The following PNLIPRP3 variants were observed in gnomAD, a reference collection of about 807,000 sequenced individuals.
PNLIPRP3 encodes pancreatic lipase-related protein 3.
PNLIPRP3 carries 58 observed loss-of-function variants against 52.8 expected under a neutral mutation model. The ratio of observed to expected loss-of-function variants is 1.10; its 90% CI spans 0.89 to 1.37. PNLIPRP3 has a LOEUF of 1.37. PNLIPRP3 is among the 40% of genes most tolerant of loss of function. The probability of loss-of-function intolerance (pLI) is 0.00; values close to 1 mark genes in which losing one functional copy is unlikely to be tolerated. For missense variants in PNLIPRP3, 593 were observed against 561.6 expected (o/e 1.06, Z -0.57); for synonymous variants, 192 against 185.0 (o/e 1.04, Z -0.31).
chr10:116,454,465 A>C (rs1169417772), intron 4 of PNLIPRP3, among the ~76,000 whole-genome samples: 1 of 152,194 alleles, frequency 6.6e-6, no homozygotes, highest in Non-Finnish European at 1.5e-5. Context: ...TACTCTTAGC[A>C]ATTTTGAAAT....
chr10:116,453,428 T>C (rs977400861), intron 4 of PNLIPRP3, among the ~76,000 whole-genome samples: 6 of 152,058 alleles, frequency 3.9e-5, no homozygotes, highest in Non-Finnish European at 7.4e-5. Flanking sequence ...GAAGGGATGA[T>C]TGTATTTTGC....
intron 4 of PNLIPRP3, among the ~76,000 whole-genome samples, chr10:116,453,407 G>C (rs1846067596): frequency 6.6e-6 from 1 of 152,070 alleles, no homozygotes; most frequent in African/African-American, 2.4e-5. Context: ...AATATGTTGG[G>C]GGAAGAGTAA....
At chr10:116,451,962 G>A (rs11522511) in intron 4 of PNLIPRP3, among the ~76,000 whole-genome samples, 232 of 152,304 alleles carry the variant, frequency 1.5e-3, no homozygotes, top group Middle Eastern at 3.4e-3. Flanking sequence ...AAGAATACAG[G>A]AAGATGAGGG....
chr10:116,470,892 CAG>C (rs1846360326), intron 9 of PNLIPRP3, among the ~76,000 whole-genome samples: 1 of 152,068 alleles, frequency 6.6e-6, no homozygotes, highest in Non-Finnish European at 1.5e-5. Context: ...TCAAATGAGA[CAG>C]GGCCCCATAG....
rs1845737280 is a variant in PNLIPRP3, at chr10:116,433,562, A to C, written c.50-3149A>C. Among the ~76,000 whole-genome samples the C allele has an allele frequency of 2.6e-5, 4 of 152,204 alleles. No individual in the cohort carries two copies. The South Asian group carries it at 8.3e-4, about 32-fold the overall frequency. ...GGTACTTACAGAAACTGAAATCTACATACCCTTCCATAGTATGTAGATTGT... is the reference window on the plus strand; with the variant it reads ...GGTACTTACAGAAACTGAAATCTACCTACCCTTCCATAGTATGTAGATTGT... On this transcript the variant is annotated intron_variant, in intron 1 of 11. Transcript: ENST00000369230.
intron 5 of PNLIPRP3, among the ~76,000 whole-genome samples, chr10:116,458,728 C>T (rs953259104): frequency 6.6e-6 from 1 of 152,098 alleles, no homozygotes; most frequent in Non-Finnish European, 1.5e-5. Context: ...TGAGTTCCCC[C>T]GCTTTGTGGA....
intron 1 of PNLIPRP3, among the ~76,000 whole-genome samples, chr10:116,435,203 A>G (rs1338897201): frequency 6.6e-6 from 1 of 152,170 alleles, no homozygotes; most frequent in East Asian, 1.9e-4. Flanking sequence ...CATGCAGACA[A>G]AACATAGAAG....
At position 116,461,058 on chromosome 10, in the gene PNLIPRP3, A is replaced by G. The variant is rs200485970; in HGVS notation, c.658A>G (p.Asn220Asp). The G allele has an allele frequency of 6.2e-7, 1 of 1,614,070 alleles. No individual in the cohort carries two copies. The highest frequency in any genetic ancestry group is 2.2e-5 in the East Asian group (1 of 44,886). Reference sequence around the variant, plus strand: ...CAACTTTGTTGACGTTATTCATACAAATGCAGCTCGCATCCTCTTTGAGCT... The same window carrying G: ...CAACTTTGTTGACGTTATTCATACAGATGCAGCTCGCATCCTCTTTGAGCT... Reference protein sequence around the residue: ...DANFVDVIHTNAARILFELGV... With the variant: ...DANFVDVIHTDAARILFELGV... The change falls in exon 6 of 12, where the codon AAT becomes GAT. Residue 220 changes from asparagine (N) to aspartate (D), a missense_variant. Asn to Asp is a conservative substitution (Grantham distance 23). Transcript: ENST00000369230.
intron 1 of PNLIPRP3, among the ~76,000 whole-genome samples, chr10:116,430,079 G>A (rs1845688244): frequency 6.6e-6 from 1 of 152,172 alleles, no homozygotes; most frequent in Non-Finnish European, 1.5e-5. Flanking sequence ...CTCAGTAGGT[G>A]AGAGAAGATG....
chr10:116,438,381 T>G (rs1356679668), intron 2 of PNLIPRP3, among the ~76,000 whole-genome samples: 1 of 152,136 alleles, frequency 6.6e-6, no homozygotes, highest in Non-Finnish European at 1.5e-5. Context: ...GGGCTTACTT[T>G]CCATCAGGCC....
At chr10:116,437,147 T>C (rs368375906) in intron 2 of PNLIPRP3, among the ~76,000 whole-genome samples, 53 of 148,718 alleles carry the variant, frequency 3.6e-4, no homozygotes, top group African/African-American at 1.3e-3. Flanking sequence ...ACCTTCCATC[T>C]GTAAGACTGA....
Position 116,440,326 on chromosome 10 carries a change from T to C in PNLIPRP3, c.205-2729T>C, listed in dbSNP as rs749398667. Among the ~76,000 whole-genome samples, 8 of 152,156 alleles carry C rather than the reference T, an allele frequency of 5.3e-5. No homozygotes were observed. In the South Asian group the frequency reaches 6.2e-4, roughly 12 times the overall value. ...GTGTTTAGGTGAAGCTGGGTCCTAC[T>C]GCCAATGAAGAGAAAATTGGAAAAC... On this transcript the variant is annotated intron_variant, in intron 2 of 11. Transcript: ENST00000369230.
chr10:116,431,285 C>T (rs1845706156), intron 1 of PNLIPRP3, among the ~76,000 whole-genome samples: 1 of 152,138 alleles, frequency 6.6e-6, no homozygotes, highest in Non-Finnish European at 1.5e-5. Flanking sequence ...TGTCACTTTT[C>T]TGCTCAGAGC....
intron 5 of PNLIPRP3, among the ~76,000 whole-genome samples, chr10:116,457,844 C>T (rs946868979): frequency 6.6e-6 from 1 of 152,020 alleles, no homozygotes; most frequent in African/African-American, 2.4e-5. Flanking sequence ...TCTAGTTTTT[C>T]CCATCAGGTG....
intron 10 of PNLIPRP3, among the ~76,000 whole-genome samples, chr10:116,472,241 A>T (rs1434577434): frequency 6.6e-6 from 1 of 152,224 alleles, no homozygotes; most frequent in Non-Finnish European, 1.5e-5. Flanking sequence ...AACAAATAAG[A>T]CATTTATATA....
chr10:116,469,105 A>G (rs1846325327), intron 8 of PNLIPRP3, 80 bp from the exon 9 acceptor site: 7 of 1,279,494 alleles, frequency 5.5e-6, no homozygotes, highest in Non-Finnish European at 7.4e-6. Flanking sequence ...ATTTATTATT[A>G]TTTAATAATA....
chr10:116,429,503 A>G (rs1271874084), intron 1 of PNLIPRP3, among the ~76,000 whole-genome samples: 2 of 152,244 alleles, frequency 1.3e-5, no homozygotes, highest in Non-Finnish European at 2.9e-5. Context: ...TTCGTTGTGT[A>G]ACATCTTGGC....
At chr10:116,435,553 A>AT (rs1845763180) in intron 1 of PNLIPRP3, among the ~76,000 whole-genome samples, 2 of 152,008 alleles carry the variant, frequency 1.3e-5, no homozygotes, top group Admixed American at 6.6e-5. Flanking sequence ...TTGAGCTGTT[A>AT]TCTCTCGGCT....
At chr10:116,439,925 A>G (rs928641281) in intron 2 of PNLIPRP3, 4 of 868,446 alleles carry the variant, frequency 4.6e-6, no homozygotes, top group African/African-American at 3.3e-5. Flanking sequence ...TTCTTGGAAA[A>G]TTCTGCAAAA....
Sources: allele counts gnomAD v4.1 joint callset (sites outside exome capture counted in the v4.1 genomes callset), GRCh38; gene constraint gnomAD v4.1.1; transcripts MANE v1.5; gene names NCBI Gene and HGNC (gene_info 2026-07-23, HGNC 2026-07-21).